Variants in RORA observed in about 807,000 individuals in gnomAD.
The protein encoded by RORA is RAR related orphan receptor A.
RORA carries 7 observed loss-of-function variants against 69.5 expected under a neutral mutation model. The ratio of observed to expected loss-of-function variants is 0.10; its 90% confidence interval spans 0.06 to 0.19. RORA has a LOEUF of 0.19. Among genes scored for constraint, RORA ranks in the 10% least tolerant of loss-of-function variants. The pLI, the probability that RORA is intolerant of heterozygous loss-of-function variation, is 1.00. For missense variants in RORA, 457 were observed against 663.0 expected (o/e 0.69, Z 3.41); for synonymous variants, 261 against 240.8 (o/e 1.08, Z -0.78).
chr15:61,082,146 G>A (rs1191430810), intron 1 of RORA, among the ~76,000 whole-genome samples: 2 of 152,136 alleles, frequency 1.3e-5, no homozygotes, highest in African/African-American at 4.8e-5. Flanking sequence ...ACATAGGTTT[G>A]ACTGCCGAGG....
At chr15:60,635,788 C>T (rs2069825970) in intron 2 of RORA, among the ~76,000 whole-genome samples, 1 of 152,156 alleles carries the variant, frequency 6.6e-6, no homozygotes, top group African/African-American at 2.4e-5. Flanking sequence ...ACAAAGTACA[C>T]TCTGCATTTT....
chr15:60,627,266 G>A, intron 2 of RORA: 1 of 1,614,204 alleles, frequency 6.2e-7, no homozygotes. Flanking sequence ...GCAGGTGTGG[G>A]TGTGGCAGAC....
intron 1 of RORA, among the ~76,000 whole-genome samples, chr15:61,021,520 C>A (rs760240022): frequency 1.3e-5 from 2 of 152,136 alleles, no homozygotes; most frequent in Non-Finnish European, 2.9e-5. Flanking sequence ...AGCAATCGTA[C>A]AAGTGAGGAC....
At chr15:60,551,989 G>C (rs1329847852) in intron 2 of RORA, among the ~76,000 whole-genome samples, 1 of 152,198 alleles carries the variant, frequency 6.6e-6, no homozygotes, top group Non-Finnish European at 1.5e-5. Context: ...CAGTGTAGGT[G>C]GTTGAACTTC....
intron 1 of RORA, among the ~76,000 whole-genome samples, chr15:60,863,817 T>G (rs1206003908): frequency 6.6e-6 from 1 of 151,982 alleles, no homozygotes; most frequent in Admixed American, 6.6e-5. Context: ...CTTTTTTTTT[T>G]TTTTTTTGAG....
chr15:60,591,555 G>A lies in RORA; in HGVS notation c.197-59704C>T, dbSNP rs2068512215. On this transcript the variant is annotated intron_variant, in intron 2 of 10. Transcript: ENST00000335670. ...CCGGCTACGGAGTCCTGATGAGGGCGGAAGGCCGGGCCGCCCGGCAGGATT... is the reference window on the plus strand; with the variant it reads ...CCGGCTACGGAGTCCTGATGAGGGCAGAAGGCCGGGCCGCCCGGCAGGATT... Among the ~76,000 whole-genome samples the A allele has an allele frequency of 1.3e-5, 2 of 151,928 alleles. 1 individual carries two copies. Among genetic ancestry groups the A allele is most frequent in the South Asian group, 4.1e-4 (2 of 4,820 alleles).
intron 1 of RORA, among the ~76,000 whole-genome samples, chr15:61,032,288 A>G (rs751832735): frequency 6.6e-6 from 1 of 152,232 alleles, no homozygotes; most frequent in Non-Finnish European, 1.5e-5. Flanking sequence ...ATTTAAAGCC[A>G]GAAGTGTTGA....
chr15:61,201,745 C>T (rs994480588), intron 1 of RORA, among the ~76,000 whole-genome samples: 2 of 152,084 alleles, frequency 1.3e-5, no homozygotes. Flanking sequence ...CCTTCTCCAA[C>T]CATAGGTTAG....
chr15:61,050,819 CTAT>C (rs1233817469), intron 1 of RORA, among the ~76,000 whole-genome samples: 1 of 152,092 alleles, frequency 6.6e-6, no homozygotes, highest in East Asian at 1.9e-4. Flanking sequence ...TGAATAGGTA[CTAT>C]TATTATCCCA....
At chr15:61,032,467 A>T (rs1390478198) in intron 1 of RORA, among the ~76,000 whole-genome samples, 1 of 152,228 alleles carries the variant, frequency 6.6e-6, no homozygotes, top group African/African-American at 2.4e-5. Flanking sequence ...ACTATAAGCC[A>T]CTAAGAGGTA....
At position 61,092,828 on chromosome 15, in the gene RORA, A is replaced by G. The variant is rs570886838; in HGVS notation, c.166+136225T>C. 1.6e-3 allele frequency among the ~76,000 whole-genome samples: 244 copies of G among 152,314 alleles called. 1 individual carries two copies. The highest frequency in any genetic ancestry group is 5.6e-3 in the African/African-American group (233 of 41,566). On this transcript the variant is annotated intron_variant, in intron 1 of 10. Transcript: ENST00000335670. The stretch of plus-strand genomic sequence containing the variant: ...AACCTTGTTCCCCTCCAGTCAACAG[A>G]TATCATCTGAGGCTTTGAAGCAAGT...
intron 1 of RORA, among the ~76,000 whole-genome samples, chr15:60,834,256 C>T (rs949635415): frequency 2.6e-5 from 4 of 152,204 alleles, no homozygotes; most frequent in African/African-American, 9.7e-5. Context: ...CAACCTTGAA[C>T]CTTACTCTCA....
intron 3 of RORA, among the ~76,000 whole-genome samples, chr15:60,522,553 C>T (rs1318805697): frequency 6.6e-6 from 1 of 151,924 alleles, no homozygotes; most frequent in South Asian, 2.1e-4. Context: ...GCAGGAGGAT[C>T]ACTTGAGGCC....
intron 1 of RORA, among the ~76,000 whole-genome samples, chr15:61,165,183 G>T (rs1038863501): frequency 1.3e-5 from 2 of 152,208 alleles, no homozygotes; most frequent in African/African-American, 2.4e-5. Flanking sequence ...AACACAGGGA[G>T]TATCTTCCCC....
At chr15:60,614,878 C>A (rs749672804) in intron 2 of RORA, 2 of 1,605,838 alleles carry the variant, frequency 1.2e-6, no homozygotes, top group Admixed American at 3.3e-5. Flanking sequence ...GCATAGTAAG[C>A]TCTCAAATAA....
intron 1 of RORA, among the ~76,000 whole-genome samples, chr15:60,986,957 T>A (rs1894222452): frequency 6.6e-6 from 1 of 152,128 alleles, no homozygotes. Context: ...TTTTCATATG[T>A]TTGTTTGTTC....
chr15:61,153,323 G>A (rs1446242104), intron 1 of RORA, among the ~76,000 whole-genome samples: 1 of 152,160 alleles, frequency 6.6e-6, no homozygotes, highest in East Asian at 1.9e-4. Context: ...AGTGGGGTGG[G>A]ATGGTTTATC....
At chr15:60,844,935 C>T (rs185441842) in intron 1 of RORA, among the ~76,000 whole-genome samples, 21 of 152,200 alleles carry the variant, frequency 1.4e-4, no homozygotes, top group Admixed American at 5.9e-4. Context: ...GCCAATGAGC[C>T]GTCTAAACAA....
chr15:61,025,334 C>A lies in RORA; in HGVS notation c.166+203719G>T, dbSNP rs572960522. ...ACGCCTCTCCTGAGAGAACTTTCAG[C>A]CCCCAGACAGCCGCTCATTCCCTTC... On this transcript the variant is annotated intron_variant, in intron 1 of 10. Transcript: ENST00000335670. Among the ~76,000 whole-genome samples, 9 of 152,196 alleles carry A rather than the reference C, an allele frequency of 5.9e-5. No individual in the cohort carries two copies. The South Asian group carries it at 1.4e-3, about 25-fold the overall frequency.
Sources: allele counts gnomAD v4.1 joint callset (sites outside exome capture counted in the v4.1 genomes callset), GRCh38; gene constraint gnomAD v4.1.1; transcripts MANE v1.5; gene names NCBI Gene and HGNC (gene_info 2026-07-23, HGNC 2026-07-21).